Variants in PPP2R2C observed in about 807,000 individuals in gnomAD.
PPP2R2C encodes protein phosphatase 2, regulatory subunit B, gamma.
PPP2R2C carries 10 observed loss-of-function variants against 45.3 expected under a neutral mutation model. The ratio of observed to expected loss-of-function variants is 0.22; its 90% CI spans 0.14 to 0.37. PPP2R2C has a LOEUF of 0.37. Among genes scored for constraint, PPP2R2C ranks in the 10% least tolerant of loss-of-function variants. The probability of loss-of-function intolerance (pLI) is 1.00; values close to 1 mark genes in which losing one functional copy is unlikely to be tolerated. For missense variants in PPP2R2C, 308 were observed against 619.7 expected (o/e 0.50, Z 5.34); for synonymous variants, 257 against 245.4 (o/e 1.05, Z -0.44).
chr4:6,553,144 C>T (rs1047667059), intron 1 of PPP2R2C, among the ~76,000 whole-genome samples: 1 of 152,248 alleles, frequency 6.6e-6, no homozygotes, highest in Non-Finnish European at 1.5e-5. Context: ...TCCACTGGCA[C>T]AAGCTGTGAC....
intron 1 of PPP2R2C, among the ~76,000 whole-genome samples, chr4:6,440,823 A>G (rs879389438): frequency 2.6e-5 from 4 of 152,156 alleles, no homozygotes; most frequent in Admixed American, 2.0e-4. Flanking sequence ...GCAGACCCTG[A>G]GGCCAACATT....
chr4:6,323,670 T>C, intron 8 of PPP2R2C, 77 bp from the exon 9 acceptor site: 1 of 1,386,830 alleles, frequency 7.2e-7, no homozygotes, highest in Non-Finnish European at 9.5e-7. Flanking sequence ...GTGTGGGGGC[T>C]CACGCCCATA....
intron 1 of PPP2R2C, among the ~76,000 whole-genome samples, chr4:6,453,165 C>T (rs994165268): frequency 8.6e-5 from 13 of 151,964 alleles, no homozygotes; most frequent in Admixed American, 3.9e-4. Context: ...CTTGAAGGGA[C>T]CCCCCCACAG....
chr4:6,519,298 A>G (rs1324080438), intron 2 of PPP2R2C, among the ~76,000 whole-genome samples: 1 of 152,220 alleles, frequency 6.6e-6, no homozygotes, highest in South Asian at 2.1e-4. Flanking sequence ...CTAGGAAAGA[A>G]GGGAACTGTG....
intron 1 of PPP2R2C, among the ~76,000 whole-genome samples, chr4:6,443,432 C>T (rs1050131865): frequency 9.2e-5 from 14 of 152,194 alleles, no homozygotes; most frequent in Non-Finnish European, 1.9e-4. Context: ...GCCCCAAGGC[C>T]GCAGAGGGAC....
At chr4:6,465,654 TA>T (rs11430416) in intron 1 of PPP2R2C, among the ~76,000 whole-genome samples, 28,888 of 147,268 alleles carry the variant, frequency 0.2, 3,038 homozygotes, top group East Asian at 0.38. Context: ...AATTCAAATT[TA>T]AAAAAAAAAA....
intron 5 of PPP2R2C, chr4:6,349,265 G>C (rs1712307715): frequency 1.0e-6 from 1 of 985,318 alleles, no homozygotes; most frequent in African/African-American, 1.7e-5. Flanking sequence ...TGTGAGCCCT[G>C]GAGTTGGAAG....
At chr4:6,338,662 G>A (rs879932500) in intron 6 of PPP2R2C, among the ~76,000 whole-genome samples, 16 of 152,110 alleles carry the variant, frequency 1.1e-4, no homozygotes, top group African/African-American at 3.4e-4. Context: ...CAACCAGCCT[G>A]CTGCTGCTGC....
intron 5 of PPP2R2C, among the ~76,000 whole-genome samples, chr4:6,366,016 TAAAC>T (rs1414438359): frequency 6.6e-6 from 1 of 152,174 alleles, no homozygotes; most frequent in Non-Finnish European, 1.5e-5. Context: ...AGAGGTTGCT[TAAAC>T]AGACGTTGAA....
chr4:6,336,998 G>A (rs1314228268), intron 6 of PPP2R2C, among the ~76,000 whole-genome samples: 1 of 107,144 alleles, frequency 9.3e-6, no homozygotes, highest in Non-Finnish European at 2.0e-5. Flanking sequence ...AATCTCCCTG[G>A]GAGTCACCTT....
intron 1 of PPP2R2C, among the ~76,000 whole-genome samples, chr4:6,544,628 C>T (rs1724915956): frequency 6.6e-6 from 1 of 152,202 alleles, no homozygotes; most frequent in Non-Finnish European, 1.5e-5. Context: ...TAAGCCAGCA[C>T]ACCCGGCTCC....
intron 1 of PPP2R2C, among the ~76,000 whole-genome samples, chr4:6,390,299 G>A (rs907675540): frequency 2.0e-5 from 3 of 152,114 alleles, no homozygotes; most frequent in East Asian, 1.9e-4. Flanking sequence ...GACATACAGC[G>A]GGGTCTCCCT....
At chr4:6,416,777 C>A (rs1718612474) in intron 1 of PPP2R2C, among the ~76,000 whole-genome samples, 1 of 152,350 alleles carries the variant, frequency 6.6e-6, no homozygotes, top group East Asian at 1.9e-4. Context: ...GGGCTGGGAC[C>A]ATCTGGCAGG....
At chr4:6,532,137 T>C (rs552445398) in intron 2 of PPP2R2C, among the ~76,000 whole-genome samples, 1 of 152,350 alleles carries the variant, frequency 6.6e-6, no homozygotes, top group Non-Finnish European at 1.5e-5. Context: ...TTCCCTCCAA[T>C]AACACCAACT....
chr4:6,439,316 T>C (rs372339620), intron 1 of PPP2R2C, among the ~76,000 whole-genome samples: 1 of 152,222 alleles, frequency 6.6e-6, no homozygotes, highest in South Asian at 2.1e-4. Flanking sequence ...CTTGTAGAAA[T>C]GACTCCTTCT....
intron 2 of PPP2R2C, among the ~76,000 whole-genome samples, chr4:6,508,181 G>A (rs35223259): frequency 2.0e-5 from 3 of 152,346 alleles, no homozygotes; most frequent in Admixed American, 6.5e-5. Context: ...TGCCCCAAAT[G>A]AGGAATGTCA....
chr4:6,382,230 G>A, intron 1 of PPP2R2C: 1 of 1,207,868 alleles, frequency 8.3e-7, no homozygotes, highest in South Asian at 1.5e-5. Flanking sequence ...AAAGCTAGTA[G>A]GAGCCCGGGA....
chr4:6,504,902 C>A (rs1321080837), intron 2 of PPP2R2C, among the ~76,000 whole-genome samples: 6 of 152,010 alleles, frequency 3.9e-5, no homozygotes, highest in Non-Finnish European at 8.8e-5. Context: ...TGAAAATGAC[C>A]CCAATTTTTG....
At chr4:6,369,842 T>C (rs922129768) in intron 5 of PPP2R2C, among the ~76,000 whole-genome samples, 2 of 152,168 alleles carry the variant, frequency 1.3e-5, no homozygotes, top group Non-Finnish European at 2.9e-5. Context: ...CAGCAGCCCC[T>C]GAGCCCTCCA....
Sources: allele counts gnomAD v4.1 joint callset (sites outside exome capture counted in the v4.1 genomes callset), GRCh38; gene constraint gnomAD v4.1.1; transcripts MANE v1.5; gene names NCBI Gene and HGNC (gene_info 2026-07-23, HGNC 2026-07-21).